The following PDE1A variants were observed in gnomAD, a reference collection of about 807,000 sequenced individuals.
PDE1A encodes dual specificity calcium/calmodulin-dependent 3',5'-cyclic nucleotide phosphodiesterase 1A.
A neutral mutation model predicts 61.7 loss-of-function variants in PDE1A; 35 were observed. That is an observed-to-expected ratio of 0.57 (90% CI 0.43 to 0.75). The LOEUF is 0.75. PDE1A is among the 30% of genes least tolerant of loss of function. The pLI is 0.00. For synonymous variants in PDE1A, 232 were observed against 213.2 expected, an observed-to-expected ratio of 1.09 and a Z score of -0.77; for missense variants, 597 against 630.6, an observed-to-expected ratio of 0.95 and a Z score of 0.57.
chr2:182,524,963 G>A (rs867901770), upstream of PDE1A, among the ~76,000 whole-genome samples: 7 of 151,828 alleles, frequency 4.6e-5, no homozygotes, highest in Middle Eastern at 5.0e-3. Context: ...AATGAATTTA[G>A]TATCTACTAT....
chr2:182,281,523 CT>C (rs1693805858), intron 1 of PDE1A, among the ~76,000 whole-genome samples: 2 of 152,058 alleles, frequency 1.3e-5, no homozygotes, highest in African/African-American at 4.8e-5. Context: ...CAATAATCAA[CT>C]GCTTCGTGAA....
chr2:182,571,264 T>C, the PDE1A span, among the ~76,000 whole-genome samples: 3 of 152,140 alleles, frequency 2.0e-5, no homozygotes, highest in Non-Finnish European at 2.9e-5. Context: ...TCTTTTAAAA[T>C]AGGGGTCATT....
chr2:182,181,527 C>T (rs1018533179), intron 13 of PDE1A, among the ~76,000 whole-genome samples: 8 of 152,188 alleles, frequency 5.3e-5, no homozygotes, highest in African/African-American at 9.6e-5. Context: ...AGTCAAGAGG[C>T]GCAAAGTCAG....
At chr2:182,257,007 T>C (rs937129735) in intron 2 of PDE1A, among the ~76,000 whole-genome samples, 1 of 152,236 alleles carries the variant, frequency 6.6e-6, no homozygotes, top group Non-Finnish European at 1.5e-5. Flanking sequence ...CTTCAGGGCA[T>C]TAGGAATCTC....
chr2:182,685,106 T>C, the PDE1A span, among the ~76,000 whole-genome samples: 2 of 150,074 alleles, frequency 1.3e-5, no homozygotes, highest in African/African-American at 2.4e-5. Context: ...AACATATACA[T>C]ATATATATAC....
the PDE1A span, among the ~76,000 whole-genome samples, chr2:182,685,515 C>G: frequency 1.3e-5 from 2 of 152,140 alleles, no homozygotes; most frequent in African/African-American, 4.8e-5. Flanking sequence ...ATAGATGAGT[C>G]ACTTTGTGCA....
chr2:182,617,044 T>C, the PDE1A span, among the ~76,000 whole-genome samples: 1 of 152,222 alleles, frequency 6.6e-6, no homozygotes, highest in Non-Finnish European at 1.5e-5. Flanking sequence ...GACCTTTGCC[T>C]TCCATTCCTG....
intron 13 of PDE1A, among the ~76,000 whole-genome samples, chr2:182,155,084 C>CTTTT (rs11375672): frequency 2.7e-5 from 3 of 111,534 alleles, no homozygotes; most frequent in Admixed American, 1.1e-4. Context: ...TTTAATTCTG[C>CTTTT]TTTTTTTTTT....
intron 11 of PDE1A, 30 bp downstream of exon 11, chr2:182,188,949 C>T (rs1195482509): frequency 1.3e-6 from 2 of 1,496,680 alleles, no homozygotes; most frequent in African/African-American, 2.8e-5. Flanking sequence ...CACACACTCA[C>T]TTTCCACCAC....
At chr2:182,527,567 A>G (rs1218890963), upstream of PDE1A, among the ~76,000 whole-genome samples, 1 of 151,388 alleles carries the variant, frequency 6.6e-6, no homozygotes, top group Admixed American at 6.6e-5. Flanking sequence ...AAAAAAGAAA[A>G]AAAGAAAAGA....
chr2:182,212,433 A>G (rs774594325), intron 7 of PDE1A, among the ~76,000 whole-genome samples: 4 of 152,188 alleles, frequency 2.6e-5, no homozygotes, highest in Non-Finnish European at 5.9e-5. Flanking sequence ...CAGAATAGGA[A>G]CAGCTCCGGT....
intron 1 of PDE1A, among the ~76,000 whole-genome samples, chr2:182,327,953 T>C (rs1697153702): frequency 1.3e-5 from 2 of 152,212 alleles, no homozygotes; most frequent in South Asian, 2.1e-4. Flanking sequence ...AGGAATGCGA[T>C]TTAGCACCTA....
At chr2:182,547,536 T>G in the PDE1A span, among the ~76,000 whole-genome samples, 1 of 152,214 alleles carries the variant, frequency 6.6e-6, no homozygotes, top group Non-Finnish European at 1.5e-5. Flanking sequence ...TCAGGCCAGG[T>G]TAACCAACAG....
At chr2:182,175,252 A>G (rs1023648740) in intron 13 of PDE1A, among the ~76,000 whole-genome samples, 20 of 151,082 alleles carry the variant, frequency 1.3e-4, no homozygotes, top group African/African-American at 4.8e-4. Flanking sequence ...TCCTTTGGGT[A>G]CATACCACTG....
chr2:182,168,766 T>A (rs1481475895), intron 13 of PDE1A, among the ~76,000 whole-genome samples: 1 of 152,122 alleles, frequency 6.6e-6, no homozygotes, highest in East Asian at 1.9e-4. Context: ...TAAAAAAGAA[T>A]AAAATCATGT....
At position 182,233,666 on chromosome 2, in the gene PDE1A, G is replaced by T. The variant is rs552439771; in HGVS notation, c.417+766C>A. The stretch of plus-strand genomic sequence containing the variant: ...AATGTAGAAAAACCAATATGCAGAT[G>T]TTTTAGGAGACAATGTTAAATTAAA... On this transcript the variant is annotated intron_variant, in intron 4 of 13. Coordinates refer to ENST00000351439, the Ensembl canonical transcript of PDE1A. Among the ~76,000 whole-genome samples, 36 of 152,172 alleles carry T rather than the reference G, an allele frequency of 2.4e-4. 1 individual carries two copies. The highest frequency in any genetic ancestry group is 1.7e-3 in the South Asian group (8 of 4,824).
the PDE1A span, among the ~76,000 whole-genome samples, chr2:182,685,700 C>T: frequency 6.6e-6 from 1 of 152,170 alleles, no homozygotes; most frequent in African/African-American, 2.4e-5. Flanking sequence ...TCTTGCTGGC[C>T]TCTGTGATTA....
At chr2:182,383,533 G>C (rs988814115) in intron 1 of PDE1A, among the ~76,000 whole-genome samples, 5 of 152,286 alleles carry the variant, frequency 3.3e-5, no homozygotes, top group African/African-American at 1.2e-4. Flanking sequence ...CGAAGGAAAA[G>C]TGAATTAGAT....
chr2:182,238,277 A>AAAAAAAAAG (rs1199781414), intron 3 of PDE1A, among the ~76,000 whole-genome samples: 13 of 150,692 alleles, frequency 8.6e-5, no homozygotes, highest in African/African-American at 1.5e-4. Context: ...AAAAAAAAAA[A>AAAAAAAAAG]AAAAAGAAAA....
Sources: gnomAD v4.1 joint callset for allele counts (sites outside exome capture counted in the v4.1 genomes callset) on GRCh38, gnomAD v4.1.1 for gene constraint, MANE v1.5 for transcripts, NCBI Gene and HGNC (gene_info 2026-07-23, HGNC 2026-07-21) for gene names.